Variants in ANO4 observed in about 807,000 individuals in gnomAD.
ANO4 encodes the protein anoctamin 4.
A neutral mutation model predicts 141.9 loss-of-function variants in ANO4; 69 were observed. The observed-to-expected ratio is 0.49, with a 90% CI of 0.40 to 0.59. The LOEUF (loss-of-function observed/expected upper bound fraction) is 0.59. ANO4 is among the 20% of genes least tolerant of loss of function. ANO4 has a pLI of 0.00. For synonymous variants in ANO4, 350 were observed against 394.3 expected (o/e 0.89, Z 1.33); for missense variants, 894 against 1,162.2 (o/e 0.77, Z 3.36).
intron 16 of ANO4, among the ~76,000 whole-genome samples, chr12:101,086,080 C>CTGTGTG (rs56891905): frequency 0.14 from 18,624 of 131,596 alleles, 1,669 homozygotes; most frequent in East Asian, 0.2. Context: ...GTTAACTAGG[C>CTGTGTG]TGTGTGTGTG....
chr12:100,739,838 A>G (rs932847580), intron 2 of ANO4: 6 of 701,608 alleles, frequency 8.6e-6, no homozygotes, highest in Admixed American at 2.0e-5. Flanking sequence ...CTCACCTAAT[A>G]TGTTTATCTC....
chr12:100,791,871 A>G (rs2034060052), upstream of ANO4, among the ~76,000 whole-genome samples: 1 of 152,082 alleles, frequency 6.6e-6, no homozygotes, highest in African/African-American at 2.4e-5. Context: ...ATTGGAGTCA[A>G]CTCTGGCACA....
chr12:100,732,322 C>T (rs1644207688), intron 1 of ANO4, among the ~76,000 whole-genome samples: 1 of 152,150 alleles, frequency 6.6e-6, no homozygotes, highest in South Asian at 2.1e-4. Flanking sequence ...TCTCTGGTGT[C>T]TGACGTGGAG....
intron 5 of ANO4, among the ~76,000 whole-genome samples, chr12:100,963,022 A>G (rs1165665043): frequency 6.6e-6 from 1 of 152,174 alleles, no homozygotes; most frequent in African/African-American, 2.4e-5. Context: ...CCTGGACTTG[A>G]GCTACTAAGA....
chr12:100,978,856 A>G (rs927777086), intron 7 of ANO4, among the ~76,000 whole-genome samples: 1 of 152,178 alleles, frequency 6.6e-6, no homozygotes, highest in Non-Finnish European at 1.5e-5. Flanking sequence ...TTTAAAATTG[A>G]TTCTGTATTA....
At chr12:101,001,029 G>A (rs2045613733) in intron 8 of ANO4, among the ~76,000 whole-genome samples, 2 of 151,498 alleles carry the variant, frequency 1.3e-5, no homozygotes, top group Admixed American at 6.6e-5. Flanking sequence ...ATATGTTGAT[G>A]TATATTTATG....
At chr12:101,029,198 G>A (rs1593061313) in intron 9 of ANO4, among the ~76,000 whole-genome samples, 1 of 152,086 alleles carries the variant, frequency 6.6e-6, no homozygotes, top group African/African-American at 2.4e-5. Context: ...ATATGCAAAG[G>A]AAAAACTGGT....
chr12:100,841,521 T>C (rs2037246723), intron 1 of ANO4, among the ~76,000 whole-genome samples: 1 of 152,060 alleles, frequency 6.6e-6, no homozygotes, highest in Non-Finnish European at 1.5e-5. Flanking sequence ...GGTGAGGAGA[T>C]ATAGAATAAT....
At chr12:100,881,836 C>A (rs1418523108) in intron 1 of ANO4, among the ~76,000 whole-genome samples, 2 of 152,218 alleles carry the variant, frequency 1.3e-5, no homozygotes, top group East Asian at 3.9e-4. Flanking sequence ...AGCCTGTTTT[C>A]CTTGAAGAAA....
intron 1 of ANO4, among the ~76,000 whole-genome samples, chr12:100,718,208 G>C (rs1311651309): frequency 6.6e-6 from 1 of 152,208 alleles, no homozygotes; most frequent in African/African-American, 2.4e-5. Flanking sequence ...CAAAATCACT[G>C]TGTGAAGGTT....
In ANO4 at chr12:100,806,523, C is replaced by CTTTTTTTTTTTTTTTTTTTTTTTTT. The variant is rs1593379234; in HGVS notation, c.-141+11496_-141+11497insTTTTTTTTTTTTTTTTTTTTTTTTT. ...TTTTTAGGAGGTTTTTTTTTTGTTTCGTTTTTTTTTTTTTTTTTTTTTTTT... is the reference window on the plus strand; with the variant it reads ...TTTTTAGGAGGTTTTTTTTTTGTTTCTTTTTTTTTTTTTTTTTTTTTTTTTGTTTTTTTTTTTTTTTTTTTTTTTT... On this transcript the variant is annotated intron_variant, in intron 1 of 27. Transcript: ENST00000392977. Among the ~76,000 whole-genome samples the CTTTTTTTTTTTTTTTTTTTTTTTTT allele has an allele frequency of 5.3e-4, 24 of 44,972 alleles. 5 individuals are homozygous for CTTTTTTTTTTTTTTTTTTTTTTTTT. Among genetic ancestry groups the CTTTTTTTTTTTTTTTTTTTTTTTTT allele is most frequent in the East Asian group, 1.1e-3 (1 of 920 alleles). The allele number at this position is 44,972 out of a possible 152,430, so 29.5% of individuals were successfully genotyped here.
chr12:100,778,971 G>A (rs2033625660), intron 3 of ANO4, among the ~76,000 whole-genome samples: 1 of 151,666 alleles, frequency 6.6e-6, no homozygotes, highest in Admixed American at 6.6e-5. Context: ...GAAGAAGGGA[G>A]ATTTCTCTTT....
At chr12:101,068,396 T>A in intron 14 of ANO4, 1 of 970,830 alleles carries the variant, frequency 1.0e-6, no homozygotes, top group South Asian at 1.3e-5. Context: ...CAAGATGAAA[T>A]AAGAACTGGA....
intron 13 of ANO4, among the ~76,000 whole-genome samples, chr12:101,045,967 T>G (rs1259113881): frequency 6.6e-6 from 1 of 152,176 alleles, no homozygotes; most frequent in Non-Finnish European, 1.5e-5. Flanking sequence ...GTTGTTGTCT[T>G]CCCCATATAT....
chr12:101,035,243 A>G (rs1024502288), intron 9 of ANO4, among the ~76,000 whole-genome samples: 2 of 152,218 alleles, frequency 1.3e-5, no homozygotes, highest in African/African-American at 4.8e-5. Context: ...TTGCAACAAC[A>G]TGAATGAATC....
intron 1 of ANO4, among the ~76,000 whole-genome samples, chr12:100,807,186 C>G (rs376588544): frequency 6.6e-6 from 1 of 152,148 alleles, no homozygotes; most frequent in African/African-American, 2.4e-5. Flanking sequence ...ACATTTCAGG[C>G]ACGATGTGTC....
intron 7 of ANO4, among the ~76,000 whole-genome samples, chr12:100,986,019 G>A (rs939223560): frequency 1.3e-5 from 2 of 152,106 alleles, no homozygotes; most frequent in African/African-American, 4.8e-5. Flanking sequence ...TAGTAAAGAA[G>A]CTGATCCTCC....
chr12:101,071,109 G>C (rs1031841765), intron 14 of ANO4, among the ~76,000 whole-genome samples: 1 of 152,088 alleles, frequency 6.6e-6, no homozygotes, highest in Non-Finnish European at 1.5e-5. Context: ...GAAAAGTTTC[G>C]AGGTTCCTCA....
chr12:101,068,996 T>A, intron 14 of ANO4: 1 of 788,894 alleles, frequency 1.3e-6, no homozygotes, highest in Admixed American at 1.7e-5. Context: ...AACAAAGCTC[T>A]GGATAAGGCC....
Sources: allele counts gnomAD v4.1 joint callset (sites outside exome capture counted in the v4.1 genomes callset), GRCh38; gene constraint gnomAD v4.1.1; transcripts MANE v1.5; gene names NCBI Gene and HGNC (gene_info 2026-07-23, HGNC 2026-07-21).